The following CEP192 variants were observed in gnomAD, a reference collection of about 807,000 sequenced individuals.
CEP192 encodes the protein centrosomal protein 192, also known as centrosomal protein of 192 kDa.
CEP192 carries 151 observed loss-of-function variants against 271.8 expected under a neutral mutation model. The observed-to-expected ratio is 0.56, with a 90% confidence interval of 0.49 to 0.64. The LOEUF (loss-of-function observed/expected upper bound fraction) is 0.64, where lower values mean the gene tolerates loss of function less well. Among genes scored for constraint, CEP192 ranks in the 30% least tolerant of loss-of-function variants. The pLI is 0.00. For synonymous variants in CEP192, 995 were observed against 1,076.5 expected (o/e 0.92, Z 1.48); for missense variants, 2,910 against 3,020.5 (o/e 0.96, Z 0.86).
chr18:13,003,797 C>T (rs1391468716), intron 3 of CEP192, among the ~76,000 whole-genome samples: 1 of 152,068 alleles, frequency 6.6e-6, no homozygotes, highest in African/African-American at 2.4e-5. Flanking sequence ...GAGACCCTAT[C>T]TCAAAAAAAG....
intron 1 of CEP192, among the ~76,000 whole-genome samples, chr18:12,992,797 C>T (rs977948381): frequency 2.6e-5 from 4 of 152,162 alleles, no homozygotes; most frequent in Non-Finnish European, 5.9e-5. Context: ...CAGGGATTGT[C>T]AGCTCCCTGA....
At chr18:13,047,945 A>G (rs1414310434) in intron 15 of CEP192, among the ~76,000 whole-genome samples, 7 of 152,212 alleles carry the variant, frequency 4.6e-5, no homozygotes, top group Non-Finnish European at 8.8e-5. Flanking sequence ...TTTTTAAAAA[A>G]CAAATGATAA....
Position 13,056,386 on chromosome 18 carries a change from TTGGGAACAC to T in CEP192, c.3798_3806del (p.Leu1266_Leu1269delinsPhe). Reference sequence around the variant, plus strand: ...CGCTGCTCCTTTTGCTCAGCGGTATTTGGGAACACTCCCTTCAACTGGAAGCACCACCTT... The same window carrying T: ...CGCTGCTCCTTTTGCTCAGCGGTATTTCCCTTCAACTGGAAGCACCACCTT... On this transcript the variant is annotated inframe_deletion, in exon 19 of 45. Coordinates refer to ENST00000506447, the MANE Select transcript of CEP192 (RefSeq NM_032142.4). 1 of 1,614,250 alleles carries T rather than the reference TTGGGAACAC, an allele frequency of 6.2e-7. No individual in the cohort carries two copies.
At chr18:13,084,419 A>G (rs920456353) in intron 30 of CEP192, among the ~76,000 whole-genome samples, 4 of 152,150 alleles carry the variant, frequency 2.6e-5, no homozygotes, top group African/African-American at 9.7e-5. Context: ...TGGGCGTGGG[A>G]CCTGCCAAGC....
At chr18:13,058,904 A>G (rs2037260140) in intron 20 of CEP192, 178 bp from the exon 21 acceptor site, 1 of 596,178 alleles carries the variant, frequency 1.7e-6, no homozygotes, top group Middle Eastern at 4.5e-4. Context: ...CTCAGGAAGC[A>G]TTTGACTCGT....
chr18:13,021,252 A>G (rs915101163), intron 9 of CEP192, among the ~76,000 whole-genome samples: 2 of 152,208 alleles, frequency 1.3e-5, no homozygotes, highest in Non-Finnish European at 2.9e-5. Context: ...AGGGAAAAAG[A>G]AAACGATTGT....
intron 1 of CEP192, among the ~76,000 whole-genome samples, chr18:12,995,209 C>T (rs1413905248): frequency 6.6e-6 from 1 of 151,952 alleles, no homozygotes; most frequent in African/African-American, 2.4e-5. Flanking sequence ...CTACAGGCGC[C>T]CGCCACCTCG....
At chr18:13,071,724 G>GTT (rs141539952) in intron 28 of CEP192, among the ~76,000 whole-genome samples, 3 of 151,070 alleles carry the variant, frequency 2.0e-5, no homozygotes, top group East Asian at 3.9e-4. Flanking sequence ...GTTTGTTGTT[G>GTT]TTTTTTTTTG....
At position 13,073,116 on chromosome 18, in the gene CEP192, A is replaced by G. The variant is rs1465054923; in HGVS notation, c.5547A>G (p.Leu1849=). 4.3e-6 allele frequency: 7 copies of G among 1,613,800 alleles called. No homozygotes were observed. The highest frequency in any genetic ancestry group is 5.9e-6 in the Non-Finnish European group (7 of 1,179,952). ...CTGTATTATTTGCACCTACTCGATT[A>G]TCTTGCATGTTGGCTAGACTAGAAA... ...FISVLFAPTR[L]SCMLARLEIK... is the part of the protein sequence containing the mutation. The change falls in exon 30 of 45, where the codon TTA becomes TTG. Residue 1849 remains leucine, a synonymous_variant. Transcript: ENST00000506447.
intron 9 of CEP192, among the ~76,000 whole-genome samples, chr18:13,019,426 G>C (rs1261196110): frequency 6.6e-6 from 1 of 152,066 alleles, no homozygotes; most frequent in Admixed American, 6.6e-5. Flanking sequence ...ATTTAGATTA[G>C]TCATTTGGAA....
intron 30 of CEP192, among the ~76,000 whole-genome samples, chr18:13,084,161 C>T (rs542328892): frequency 6.6e-6 from 1 of 152,310 alleles, no homozygotes; most frequent in African/African-American, 2.4e-5. Context: ...TCAGAGCTGT[C>T]AGACAGGGAC....
chr18:13,008,663 C>A (rs1207600051), intron 4 of CEP192, 32 bp downstream of exon 4: 4 of 1,404,866 alleles, frequency 2.8e-6, no homozygotes, highest in East Asian at 2.5e-5. Context: ...TTTCTTAATG[C>A]ATATGTTTTA....
In CEP192 at chr18:13,090,956, C is replaced by T. The variant is rs1035467255; in HGVS notation, c.6103+1391C>T. Among the ~76,000 whole-genome samples, 12 of 152,296 alleles carry T rather than the reference C, an allele frequency of 7.9e-5. No homozygotes were observed. The East Asian group carries it at 1.7e-3, about 22-fold the overall frequency. ...CCTCTCGTTGGATGGTGGATGCATC[C>T]TGAGAGGACAAGATGCCAGTAGGTC... is the stretch of plus-strand genomic sequence containing the variant. On this transcript the variant is annotated intron_variant, in intron 33 of 44. Transcript: ENST00000506447.
intron 11 of CEP192, 140 bp downstream of exon 11, chr18:13,030,748 A>G: frequency 7.7e-6 from 5 of 645,592 alleles, no homozygotes; most frequent in Non-Finnish European, 1.3e-5. Flanking sequence ...TTGTTTTTAT[A>G]GGACCCAAGG....
intron 30 of CEP192, among the ~76,000 whole-genome samples, chr18:13,080,356 C>T (rs1225744221): frequency 1.3e-5 from 2 of 152,228 alleles, no homozygotes; most frequent in African/African-American, 4.8e-5. Flanking sequence ...CCTTCACATC[C>T]CTTGTAAGTT....
chr18:13,042,236 A>G lies in CEP192; in HGVS notation c.1969A>G (p.Ser657Gly). ...AAATGAACAGTCCCAGGCACAGCTA[A>G]GTGAAGGATCAATTACACTTCAGGT... Reference protein sequence around the residue: ...DLNEQSQAQLSEGSITLQVEA... With the variant: ...DLNEQSQAQLGEGSITLQVEA... Residue 657 changes from serine to glycine, a missense_variant, in exon 15 of 45, where the codon AGT (serine) becomes GGT (glycine). Ser to Gly is a moderately conservative substitution (Grantham distance 56). Coordinates refer to ENST00000506447, the MANE Select transcript of CEP192 (RefSeq NM_032142.4). The G allele has an allele frequency of 6.2e-7, 1 of 1,612,922 alleles. No homozygotes were observed. Among genetic ancestry groups the G allele is most frequent in the South Asian group, 1.1e-5 (1 of 91,044 alleles).
At chr18:13,033,523 C>T (rs1194968758) in intron 11 of CEP192, among the ~76,000 whole-genome samples, 7 of 152,202 alleles carry the variant, frequency 4.6e-5, no homozygotes, top group Admixed American at 6.5e-5. Flanking sequence ...AGCAAAGTTA[C>T]GCATGTACTA....
At chr18:12,999,245 T>G (rs2033454636) in intron 1 of CEP192, among the ~76,000 whole-genome samples, 176 bp from the exon 2 acceptor site, 1 of 152,334 alleles carries the variant, frequency 6.6e-6, no homozygotes, top group Middle Eastern at 3.4e-3. Context: ...ATCTATAAAG[T>G]AGCAAAGTAT....
intron 19 of CEP192, among the ~76,000 whole-genome samples, chr18:13,056,967 C>T (rs2037140110): frequency 6.6e-6 from 1 of 152,158 alleles, no homozygotes; most frequent in African/African-American, 2.4e-5. Flanking sequence ...GATTATTTCC[C>T]CTAGGAAATG....
Sources: gnomAD v4.1 joint callset for allele counts (sites outside exome capture counted in the v4.1 genomes callset) on GRCh38, gnomAD v4.1.1 for gene constraint, MANE v1.5 for transcripts, NCBI Gene and HGNC (gene_info 2026-07-23, HGNC 2026-07-21) for gene names.